The following MMP19 variants were observed in gnomAD, a reference collection of about 807,000 sequenced individuals.
The protein encoded by MMP19 is matrix metallopeptidase 19, also known as matrix metalloproteinase-19.
In MMP19, 47 loss-of-function variants were observed where a neutral mutation model predicts 46.6. That is an observed-to-expected ratio of 1.01 (90% CI 0.80 to 1.29). MMP19 has a LOEUF of 1.29. Among genes scored for constraint, MMP19 ranks in the 50% most tolerant of loss-of-function variants. The probability of loss-of-function intolerance (pLI) is 0.00; values close to 1 mark genes in which losing one functional copy is unlikely to be tolerated. For missense variants in MMP19, 589 were observed against 643.5 expected, an observed-to-expected ratio of 0.92 and a Z score of 0.92; for synonymous variants, 222 against 248.5, an observed-to-expected ratio of 0.89 and a Z score of 1.00.
rs1376126235 is a variant in MMP19 at position 55,837,609 on chromosome 12, A to G, written c.1134T>C (p.Pro378=). The G allele has an allele frequency of 4.3e-6, 7 of 1,614,228 alleles. No homozygotes were observed. Among genetic ancestry groups the G allele is most frequent in the Non-Finnish European group, 5.1e-6 (6 of 1,180,046 alleles). ...GFPKKLNRVE[P]NLDAALYWPL... is the part of the protein sequence containing the mutation. The stretch of plus-strand genomic sequence containing the variant: ...GCCAATAGAGAGCTGCATCCAGGTT[A>G]GGTTCTACCCTATTCAGCTTCTTGG... The change falls in exon 8 of 9, where the codon CCT becomes CCC. Residue 378 remains proline (P), a synonymous_variant. Coordinates refer to ENST00000322569, the MANE Select transcript of MMP19 (RefSeq NM_002429.6).
intron 5 of MMP19, among the ~76,000 whole-genome samples, chr12:55,839,294 G>GT (rs1298065460): frequency 6.6e-6 from 1 of 151,710 alleles, no homozygotes; most frequent in Non-Finnish European, 1.5e-5. Flanking sequence ...AAGCATGGGT[G>GT]TAAGGAGAGA....
chr12:55,840,120 G>C, intron 4 of MMP19: 1 of 217,526 alleles, frequency 4.6e-6, no homozygotes, highest in Non-Finnish European at 9.1e-6. Flanking sequence ...GAGTACAGGA[G>C]TTTAAGACCA....
Position 55,841,124 on chromosome 12 carries a change from G to C in MMP19, c.286C>G (p.Leu96Val). Residue 96 changes from leucine to valine, a missense_variant, in exon 3 of 9, where the codon CTT (leucine) becomes GTT (valine). Physicochemically the swap from Leu to Val is conservative, Grantham distance 32. Transcript: ENST00000322569. ...TTCTCACCCAGCAACAGGTATTTAA[G>C]GGTCTTCTGGTTGAAGGGATCCTCT... ...GLEDPFNQKT[L>V]KYLLLGRWRK... is the part of the protein sequence containing the mutation. The C allele has an allele frequency of 6.2e-7, 1 of 1,612,994 alleles. No homozygotes were observed. Among genetic ancestry groups the C allele is most frequent in the Non-Finnish European group, 8.5e-7 (1 of 1,179,656 alleles).
chr12:55,837,874 C>A lies in MMP19; in HGVS notation c.1029G>T (p.Ser343=). The A allele has an allele frequency of 6.2e-7, 1 of 1,612,384 alleles. No individual in the cohort carries two copies. Among genetic ancestry groups the A allele is most frequent in the African/African-American group, 1.3e-5 (1 of 75,022 alleles). The change falls in exon 7 of 9, where the codon TCG becomes TCT. Residue 343 remains serine (S), a synonymous_variant. Transcript: ENST00000322569. ...AGAAGTGAATCCATTGTGTTCGAGGCGAGTAGACAGCAGCATCCAGGTTTC... is the reference window on the plus strand; with the variant it reads ...AGAAGTGAATCCATTGTGTTCGAGGAGAGTAGACAGCAGCATCCAGGTTTC... ...LPGNLDAAVY[S]PRTQWIHFFK... is the part of the protein sequence containing the mutation.
chr12:55,839,111 G>C (rs144512537), intron 5 of MMP19, among the ~76,000 whole-genome samples: 1 of 151,900 alleles, frequency 6.6e-6, no homozygotes, highest in Non-Finnish European at 1.5e-5. Context: ...GCGTGGTTGC[G>C]TGTGCCTGTA....
In MMP19 at chr12:55,836,861, A is replaced by C; in HGVS notation, c.*175T>G. 1 of 553,854 alleles carries C rather than the reference A, an allele frequency of 1.8e-6. No homozygotes were observed. The highest frequency in any genetic ancestry group is 2.7e-5 in the South Asian group (1 of 37,470). The allele number at this position is 553,854 out of a possible 1,614,324, so 34.3% of individuals were successfully genotyped here. A position where few individuals can be genotyped will look rare whatever the true frequency, so the allele number is the denominator to read the frequency against. ...CAGGAAAGTGGTGGCTGGAGTTGGA[A>C]GTGTTAGAGGCCTGAGATCTACGGT... is the stretch of plus-strand genomic sequence containing the variant. On this transcript the variant is annotated 3_prime_UTR_variant, in exon 9 of 9. Transcript: ENST00000322569.
In MMP19 at chr12:55,838,304, A is replaced by G. The variant is rs1276528707; in HGVS notation, c.896-297T>C. 8 of 636,346 alleles carry G rather than the reference A, an allele frequency of 1.3e-5. No individual in the cohort carries two copies. The East Asian group carries it at 1.9e-4, about 15-fold the overall frequency. The allele number at this position is 636,346 out of a possible 1,614,324, so 39.4% of individuals were successfully genotyped here. A position where few individuals can be genotyped will look rare whatever the true frequency, so the allele number is the denominator to read the frequency against. ...TGGCTTCCTAGTTGTCCTTCCAACC[A>G]GGTGCACCCTCTCTAACAGGCAATC... is the stretch of plus-strand genomic sequence containing the variant. On this transcript the variant is annotated intron_variant, in intron 6 of 8. Transcript: ENST00000322569.
intron 6 of MMP19, 143 bp downstream of exon 6, chr12:55,838,461 CAT>C (rs761312287): frequency 7.0e-5 from 112 of 1,590,094 alleles, no homozygotes; most frequent in Non-Finnish European, 8.2e-5. Context: ...CCCCATGTCA[CAT>C]GTCTCCTTCC....
In MMP19 at chr12:55,839,488, G is replaced by A. The variant is rs780083177; in HGVS notation, c.766+8C>T. 5 of 1,600,736 alleles carry A rather than the reference G, an allele frequency of 3.1e-6. No homozygotes were observed. Among genetic ancestry groups the A allele is most frequent in the South Asian group, 1.1e-5 (1 of 90,184 alleles). On this transcript the variant is annotated splice_region_variant and intron_variant, in intron 5 of 8. Coordinates refer to ENST00000322569, the MANE Select transcript of MMP19 (RefSeq NM_002429.6). ...TGACCCTCCCCCTCACTAGGGGGAG[G>A]GACTGACCATAGAGAGCCTGGATCC...
chr12:55,842,928 C>G lies in MMP19; in HGVS notation c.-98G>C. 1 of 908,266 alleles carries G rather than the reference C, an allele frequency of 1.1e-6. No homozygotes were observed. The highest frequency in any genetic ancestry group is 1.7e-6 in the Non-Finnish European group (1 of 582,004). 56.3% of individuals were successfully genotyped at this position (908,266 alleles called of 1,614,324 possible). On this transcript the variant is annotated 5_prime_UTR_variant, in exon 1 of 9. Transcript: ENST00000322569. ...AGTGCTAGGCAGAGGGGCTCTTACC[C>G]CCAGTTCTTTTTACTCTCCAGCCTC...
At position 55,837,670 on chromosome 12, in the gene MMP19, C is replaced by T. The variant is rs773799770; in HGVS notation, c.1073G>A (p.Trp358Ter). 2 of 1,614,202 alleles carry T rather than the reference C, an allele frequency of 1.2e-6. No individual in the cohort carries two copies. The highest frequency in any genetic ancestry group is 1.7e-6 in the Non-Finnish European group (2 of 1,180,048). Residue 358 changes from tryptophan to a stop codon, truncating the protein, a stop_gained, in exon 8 of 9, where the codon TGG (tryptophan) becomes TAG (stop). Coordinates refer to ENST00000322569, the MANE Select transcript of MMP19 (RefSeq NM_002429.6). LOFTEE classifies it high-confidence loss of function. ...AGACATCTTGAAATTAATGTAGCGC[C>T]ACACCTTGTCTCCTGAGAGCATGTG... Reference protein sequence around the residue: ...WIHFFKGDKVWRYINFKMSPG... With the variant: ...WIHFFKGDKV
In MMP19 at chr12:55,842,348, C is replaced by T. The variant is rs751637081; in HGVS notation, c.173+5G>A. The T allele has an allele frequency of 6.2e-7, 1 of 1,611,196 alleles. No homozygotes were observed. The highest frequency in any genetic ancestry group is 8.5e-7 in the Non-Finnish European group (1 of 1,177,488). The stretch of plus-strand genomic sequence containing the variant: ...CCTAAAGGCATACACCTCATAGCTT[C>T]TCACCTCAGAGCCTCGGTGATATCT... On this transcript the variant is annotated splice_donor_5th_base_variant and intron_variant, in intron 2 of 8. Coordinates refer to ENST00000322569, the MANE Select transcript of MMP19 (RefSeq NM_002429.6).
rs769703002 is a variant in MMP19, at chr12:55,838,656, G to A, written c.845C>T (p.Pro282Leu). Residue 282 changes from proline to leucine, a missense_variant, in exon 6 of 9, where the codon CCC (proline) becomes CTC (leucine). Coordinates refer to ENST00000322569, the MANE Select transcript of MMP19 (RefSeq NM_002429.6). ...ACTGCAAGGGTCTGGCATGGGACTGGGTTCTGTGGGCACTGGGGGCACAGT... is the reference window on the plus strand; with the variant it reads ...ACTGCAAGGGTCTGGCATGGGACTGAGTTCTGTGGGCACTGGGGGCACAGT... ...LPTVPPVPTE[P>L]SPMPDPCSSE... is the part of the protein sequence containing the mutation. The A allele has an allele frequency of 6.2e-7, 1 of 1,613,996 alleles. No individual in the cohort carries two copies. Among genetic ancestry groups the A allele is most frequent in the Admixed American group, 1.7e-5 (1 of 60,014 alleles).
Position 55,838,709 on chromosome 12 carries a change from A to G in MMP19, c.792T>C (p.Asp264=). ...GCAGCTCTGTCTCTTCTTCTTCCTC[A>G]TCCCTTATCACTGGACTCTTCTTGC... The part of the protein sequence containing the change: ...LYGKKSPVIR[D]EEEEETELPT... The change falls in exon 6 of 9, where the codon GAT becomes GAC. Residue 264 remains aspartate (D), a synonymous_variant. Coordinates refer to ENST00000322569, the MANE Select transcript of MMP19 (RefSeq NM_002429.6). The G allele has an allele frequency of 1.9e-6, 3 of 1,606,878 alleles. No homozygotes were observed. The highest frequency in any genetic ancestry group is 2.6e-6 in the Non-Finnish European group (3 of 1,175,786).
chr12:55,839,378 G>C (rs1187972483), intron 5 of MMP19, 118 bp downstream of exon 5: 14 of 1,287,454 alleles, frequency 1.1e-5, no homozygotes, highest in Admixed American at 2.5e-5. Flanking sequence ...CTGAGTAACT[G>C]GGCTGGAGGA....
At chr12:55,839,474 C>G (rs764429076) in intron 5 of MMP19, 22 bp downstream of exon 5, 5 of 1,583,954 alleles carry the variant, frequency 3.2e-6, no homozygotes, top group Admixed American at 1.7e-5. Context: ...GACCCTCCCC[C>G]TCACTAGGGG....
At chr12:55,841,510 T>TCTTC (rs10538119) in intron 2 of MMP19, 28,560 of 187,754 alleles carry the variant, frequency 0.15, 2,575 homozygotes, top group African/African-American at 0.24. Flanking sequence ...TCTACTGCAA[T>TCTTC]CTTCCTTCCT....
rs1002078202 is a variant in MMP19 at position 55,842,612 on chromosome 12, G to A, written c.87+132C>T. On this transcript the variant is annotated intron_variant, in intron 1 of 8. Transcript: ENST00000322569. Reference sequence around the variant, plus strand: ...AAGGGGAAGCAGCGGGAGATGGGCAGGGTAGACCATGGGGCAGAGAGAGCA... The same window carrying A: ...AAGGGGAAGCAGCGGGAGATGGGCAAGGTAGACCATGGGGCAGAGAGAGCA... 1.8e-5 allele frequency: 16 copies of A among 880,222 alleles called. No individual in the cohort carries two copies. The African/African-American group carries it at 2.6e-4, about 15-fold the overall frequency. The allele number at this position is 880,222 out of a possible 1,614,324, so 54.5% of individuals were successfully genotyped here.
In MMP19 at chr12:55,839,530, G is replaced by A. The variant is rs542444429; in HGVS notation, c.732C>T (p.His244=). The A allele has an allele frequency of 4.3e-6, 7 of 1,612,732 alleles. No individual in the cohort carries two copies. Among genetic ancestry groups the A allele is most frequent in the South Asian group, 2.2e-5 (2 of 91,066 alleles). The change falls in exon 5 of 9, where the codon CAC becomes CAT. Residue 244 remains histidine, a synonymous_variant. Transcript: ENST00000322569. ...CCTGGATCCCTGCCACATCATCTGG[G>A]TGCAGCTTAAAGTGGGGCCGGTAGC... is the stretch of plus-strand genomic sequence containing the variant. The part of the protein sequence containing the change: ...YEGYRPHFKL[H]PDDVAGIQAL...
Sources: allele counts gnomAD v4.1 joint callset (sites outside exome capture counted in the v4.1 genomes callset), GRCh38; gene constraint gnomAD v4.1.1; transcripts MANE v1.5; gene names NCBI Gene and HGNC (gene_info 2026-07-23, HGNC 2026-07-21).